The following DNAH8 variants were observed in gnomAD, a reference collection of about 807,000 sequenced individuals.
DNAH8 encodes axonemal beta dynein heavy chain 8.
DNAH8 carries 382 observed loss-of-function variants against 562.1 expected under a neutral mutation model. The ratio of observed to expected loss-of-function variants is 0.68; its 90% CI spans 0.63 to 0.74. DNAH8 has a LOEUF of 0.74. Ranked by LOEUF, DNAH8 falls within the 30% of genes least tolerant of loss-of-function variation. The pLI is 0.00. For missense variants in DNAH8, 5,203 were observed against 5,620.4 expected, an observed-to-expected ratio of 0.93 and a Z score of 2.37; for synonymous variants, 1,881 against 1,919.4, an observed-to-expected ratio of 0.98 and a Z score of 0.52.
In DNAH8 at chr6:38,913,407, A is replaced by G. The variant is rs183825901; in HGVS notation, c.9860-442A>G. 7.1e-3 allele frequency among the ~76,000 whole-genome samples: 1,080 copies of G among 152,320 alleles called. 4 individuals are homozygous for G. The highest frequency in any genetic ancestry group is 9.7e-3 in the Non-Finnish European group (663 of 68,028). ...TGCAAAGTCCATTACATAAGTTTTCACAGTTATTTTCATTTTTATAACAAA... is the reference window on the plus strand; with the variant it reads ...TGCAAAGTCCATTACATAAGTTTTCGCAGTTATTTTCATTTTTATAACAAA... On this transcript the variant is annotated intron_variant, in intron 66 of 92. Coordinates refer to ENST00000327475, the MANE Select transcript of DNAH8 (RefSeq NM_001206927.2).
chr6:38,923,294 G>A (rs1411085017), intron 72 of DNAH8, 109 bp downstream of exon 72: 11 of 1,345,090 alleles, frequency 8.2e-6, no homozygotes, highest in Non-Finnish European at 1.1e-5. Context: ...GACAGTGCTT[G>A]CAACTTAAAT....
chr6:38,843,505 T>G (rs1422914578), intron 35 of DNAH8, among the ~76,000 whole-genome samples: 4 of 152,138 alleles, frequency 2.6e-5, no homozygotes, highest in African/African-American at 9.7e-5. Context: ...CATAATTATT[T>G]AAACATTTTT....
At chr6:38,910,761 A>G (rs1009229360) in intron 65 of DNAH8, among the ~76,000 whole-genome samples, 2 of 152,200 alleles carry the variant, frequency 1.3e-5, no homozygotes, top group Non-Finnish European at 2.9e-5. Context: ...AGTCACATAT[A>G]TGCCCAAGAT....
intron 33 of DNAH8, among the ~76,000 whole-genome samples, chr6:38,842,020 G>A (rs924687543): frequency 4.6e-5 from 7 of 152,156 alleles, no homozygotes; most frequent in African/African-American, 1.4e-4. Flanking sequence ...AACCTTAGCC[G>A]CAGCTATGAC....
At chr6:38,819,520 A>G (rs892794531) in intron 26 of DNAH8, among the ~76,000 whole-genome samples, 3 of 152,208 alleles carry the variant, frequency 2.0e-5, no homozygotes, top group African/African-American at 7.2e-5. Flanking sequence ...CAAACTAGGA[A>G]TAAGACAGAT....
At chr6:38,928,329 T>C (rs1213215196) in intron 74 of DNAH8, among the ~76,000 whole-genome samples, 4 of 152,176 alleles carry the variant, frequency 2.6e-5, no homozygotes, top group Non-Finnish European at 5.9e-5. Context: ...GGGAAAGATA[T>C]CACAAAAATA....
At position 38,872,925 on chromosome 6, in the gene DNAH8, T is replaced by A. The variant is rs1169268217; in HGVS notation, c.7257T>A (p.Ile2419=). The A allele has an allele frequency of 2.5e-6, 4 of 1,613,718 alleles. No individual in the cohort carries two copies. Among genetic ancestry groups the A allele is most frequent in the Non-Finnish European group, 1.7e-6 (2 of 1,179,938 alleles). Residue 2419 remains isoleucine, a synonymous_variant, in exon 51 of 93, where the codon ATT becomes ATA. Transcript: ENST00000327475. ...KAKKGENIFL[I]LDGPVDAIWI... ...TTTCAGGTGAAAACATTTTCCTCAT[T>A]TTAGATGGTCCTGTGGATGCCATCT...
chr6:38,791,485 C>T, intron 20 of DNAH8, 70 bp from the exon 21 acceptor site: 1 of 1,502,342 alleles, frequency 6.7e-7, no homozygotes, highest in South Asian at 1.4e-5. Context: ...TAACTCAAGC[C>T]TCTTTTGGAT....
At chr6:38,801,719 C>T (rs1363215550) in intron 21 of DNAH8, among the ~76,000 whole-genome samples, 1 of 152,130 alleles carries the variant, frequency 6.6e-6, no homozygotes, top group Non-Finnish European at 1.5e-5. Context: ...GAGAGGATCA[C>T]AGAATATCCT....
At position 38,832,771 on chromosome 6, in the gene DNAH8, C is replaced by A. The variant is rs1678730; in HGVS notation, c.4302+336C>A. ...GTGTTGGGCTGCATTCAAAGCTGTCCTGGGCTTCATGTGGCCTGTGGGCTG... is the reference window on the plus strand; with the variant it reads ...GTGTTGGGCTGCATTCAAAGCTGTCATGGGCTTCATGTGGCCTGTGGGCTG... On this transcript the variant is annotated intron_variant, in intron 31 of 92. Coordinates refer to ENST00000327475, the MANE Select transcript of DNAH8 (RefSeq NM_001206927.2). 0.17 allele frequency among the ~76,000 whole-genome samples: 26,182 copies of A among 152,022 alleles called. 2,539 individuals carry two copies. The highest frequency in any genetic ancestry group is 0.29 in the East Asian group (1,490 of 5,174).
At chr6:38,876,176 T>C (rs928671979) in intron 53 of DNAH8, among the ~76,000 whole-genome samples, 1 of 152,194 alleles carries the variant, frequency 6.6e-6, no homozygotes, top group Non-Finnish European at 1.5e-5. Flanking sequence ...CTAATACACA[T>C]AACGGATCAG....
intron 88 of DNAH8, among the ~76,000 whole-genome samples, chr6:39,004,613 T>C (rs1236236403): frequency 6.6e-6 from 1 of 152,242 alleles, no homozygotes; most frequent in Non-Finnish European, 1.5e-5. Flanking sequence ...AAATGATTTC[T>C]AGTAAGTTTA....
intron 88 of DNAH8, among the ~76,000 whole-genome samples, chr6:38,996,513 C>T (rs548050523): frequency 3.4e-4 from 52 of 152,288 alleles, no homozygotes; most frequent in Middle Eastern, 6.8e-3. Flanking sequence ...AAATGGCTTC[C>T]TACAGCAGTT....
At chr6:38,758,711 C>T (rs1043241333) in intron 10 of DNAH8, among the ~76,000 whole-genome samples, 2 of 152,000 alleles carry the variant, frequency 1.3e-5, no homozygotes, top group African/African-American at 4.8e-5. Flanking sequence ...CCATCAATAC[C>T]TAATTTATTG....
intron 87 of DNAH8, 72 bp from the exon 88 acceptor site, chr6:38,989,940 C>T: frequency 1.2e-6 from 1 of 827,346 alleles, no homozygotes; most frequent in Middle Eastern, 2.4e-4. Context: ...AAGGTGGCCC[C>T]TCTCCTTTCT....
At chr6:38,845,347 T>C (rs183772500) in intron 35 of DNAH8, among the ~76,000 whole-genome samples, 270 of 152,336 alleles carry the variant, frequency 1.8e-3, no homozygotes, top group African/African-American at 6.2e-3. Flanking sequence ...GTTTCATGTA[T>C]GTGGTACAGA....
chr6:38,783,685 T>A (rs532614232), intron 17 of DNAH8, among the ~76,000 whole-genome samples: 1 of 152,318 alleles, frequency 6.6e-6, no homozygotes, highest in South Asian at 2.1e-4. Flanking sequence ...CGGAGTTAAA[T>A]GTGAGACGGG....
chr6:38,761,723 G>A lies in DNAH8; in HGVS notation c.1537G>A (p.Ala513Thr), dbSNP rs755678677. The change falls in exon 11 of 93, where the codon GCA (alanine) becomes ACA (threonine). Residue 513 changes from alanine to threonine, a missense_variant. Physicochemically the swap from Ala to Thr is moderately conservative, Grantham distance 58. Around this residue, in one of 6 missense-constraint regions of DNAH8, gnomAD observed 2,176 missense variants for 2,365.1 expected, o/e 0.92. Transcript: ENST00000327475. ...FIKVTNQMVT[A>T]CKAYITDGGL... ...TCAGGTAACAAATCAAATGGTAACA[G>A]CATGTAAAGCATATATTACTGATGG... The A allele has an allele frequency of 1.3e-6, 2 of 1,539,432 alleles. No individual in the cohort carries two copies. Among genetic ancestry groups the A allele is most frequent in the East Asian group, 5.0e-5 (2 of 40,312 alleles).
At chr6:38,784,978 G>A (rs1769005158) in intron 17 of DNAH8, among the ~76,000 whole-genome samples, 1 of 152,196 alleles carries the variant, frequency 6.6e-6, no homozygotes, top group Admixed American at 6.5e-5. Context: ...ATTTTATCAA[G>A]TTTTCAGAAG....
Sources: gnomAD v4.1 joint callset for allele counts (sites outside exome capture counted in the v4.1 genomes callset) on GRCh38, gnomAD v4.1.1 for gene constraint, gnomAD v4.1.1 regional missense constraint, MANE v1.5 for transcripts, NCBI Gene and HGNC (gene_info 2026-07-23, HGNC 2026-07-21) for gene names.